DNAJB2: variants seen among roughly 807,000 people sequenced by gnomAD.
DNAJB2 encodes the protein DnaJ heat shock protein family (Hsp40) member B2, also known as dnaJ homolog subfamily B member 2.
DNAJB2 carries 19 observed loss-of-function variants against 33.3 expected under a neutral mutation model. That is an observed-to-expected ratio of 0.57 (90% CI 0.40 to 0.84). DNAJB2 has a LOEUF of 0.84. Ranked by LOEUF, DNAJB2 falls within the 40% of genes least tolerant of loss-of-function variation. The pLI is 0.00. For synonymous variants in DNAJB2, 172 were observed against 164.6 expected, an observed-to-expected ratio of 1.04 and a Z score of -0.34; for missense variants, 368 against 430.9, an observed-to-expected ratio of 0.85 and a Z score of 1.29.
In DNAJB2 at chr2:219,279,687, G is replaced by A. The variant is rs1951886609; in HGVS notation, c.-36-111G>A. ...TAGTCACCGGCCGCAAGCAGAGCCC[G>A]GTGTGCTCCGCTTCCAACTGGGAGC... On this transcript the variant is annotated intron_variant, in intron 1 of 8. Transcript: ENST00000336576. This position sits in a 1 kb window ranked among gnomAD's most constrained non-coding sequence, Gnocchi z 4.9. The A allele has an allele frequency of 5.1e-6, 4 of 786,552 alleles. No individual in the cohort carries two copies. The highest frequency in any genetic ancestry group is 3.4e-5 in the South Asian group (2 of 59,500). The allele number at this position is 786,552 out of a possible 1,614,324, so 48.7% of individuals were successfully genotyped here.
At chr2:219,283,296 T>G in intron 7 of DNAJB2, 61 bp downstream of exon 7, 1 of 1,611,020 alleles carries the variant, frequency 6.2e-7, no homozygotes, top group African/African-American at 1.3e-5. Context: ...TGTGTTCAAA[T>G]AGAAAGTTGG....
chr2:219,282,787 G>A, intron 5 of DNAJB2, 50 bp from the exon 6 acceptor site: 1 of 1,498,404 alleles, frequency 6.7e-7, no homozygotes, highest in Non-Finnish European at 8.9e-7. Flanking sequence ...ACACACTTTT[G>A]AGGGGAAATG....
At position 219,283,146 on chromosome 2, in the gene DNAJB2, A is replaced by C. The variant is rs745422775; in HGVS notation, c.459A>C (p.Ser153=). ...TCCCGATGCCAGATTTCTCCTCCTC[A>C]TCTTTCTCCTTCAGTCCTGGGGCTG... ...SFPGHSDFSS[S]SFSFSPGAGA... The change falls in exon 7 of 9, where the codon TCA becomes TCC. Residue 153 remains serine (S), a synonymous_variant. Coordinates refer to ENST00000336576, the MANE Select transcript of DNAJB2 (RefSeq NM_006736.6). 3 of 1,613,842 alleles carry C rather than the reference A, an allele frequency of 1.9e-6. No homozygotes were observed. The highest frequency in any genetic ancestry group is 2.2e-5 in the East Asian group (1 of 44,894).
Position 219,283,219 on chromosome 2 carries a change from C to T in DNAJB2, c.532C>T (p.Arg178Cys), listed in dbSNP as rs764080481. 7 of 1,614,208 alleles carry T rather than the reference C, an allele frequency of 4.3e-6. No individual in the cohort carries two copies. The highest frequency in any genetic ancestry group is 2.2e-5 in the East Asian group (1 of 44,884). ...STSTTFVQGR[R>C]ITTRRIMENG... ...ATCTACCACCTTTGTCCAAGGACGC[C>T]GCATCACCACACGCAGGTGAGAGCT... Residue 178 changes from arginine to cysteine, a missense_variant, in exon 7 of 9, where the codon CGC becomes TGC. Coordinates refer to ENST00000336576, the MANE Select transcript of DNAJB2 (RefSeq NM_006736.6).
At chr2:219,284,549 T>G in intron 8 of DNAJB2, 83 bp from the exon 9 acceptor site, 1 of 1,484,308 alleles carries the variant, frequency 6.7e-7, no homozygotes, top group Non-Finnish European at 9.0e-7. Flanking sequence ...CTCTAAGTGG[T>G]CAGGGTTGTT....
Position 219,285,640 on chromosome 2 carries a change from C to T in DNAJB2, c.*653C>T, listed in dbSNP as rs1012870424. On this transcript the variant is annotated 3_prime_UTR_variant, in exon 9 of 9. Coordinates refer to ENST00000336576, the MANE Select transcript of DNAJB2 (RefSeq NM_006736.6). ...AATGTGGCGAGGAAGATGCTGGGGC[C>T]GGTAGGGCTGTGAGATCTTCTGGGG... The T allele has an allele frequency of 4.4e-5, 50 of 1,124,894 alleles. 1 individual carries two copies. Among genetic ancestry groups the T allele is most frequent in the South Asian group, 8.0e-5 (2 of 24,960 alleles). 69.7% of individuals were successfully genotyped at this position (1,124,894 alleles called of 1,614,324 possible).
Position 219,283,146 on chromosome 2 carries a change from ATC to A in DNAJB2, c.461_462del (p.Ser154PhefsTer57). 6.2e-7 allele frequency: 1 copy of A among 1,613,960 alleles called. No homozygotes were observed. Among genetic ancestry groups the A allele is most frequent in the South Asian group, 1.1e-5 (1 of 91,068 alleles). ...FPGHSDFSSS[S>X]FSFSPGAGAF... ...TCCCGATGCCAGATTTCTCCTCCTC[ATC>A]TTTCTCCTTCAGTCCTGGGGCTGGT... is the stretch of plus-strand genomic sequence containing the variant. On this transcript the variant is annotated frameshift_variant, in exon 7 of 9. Coordinates refer to ENST00000336576, the MANE Select transcript of DNAJB2 (RefSeq NM_006736.6). LOFTEE classifies it high-confidence loss of function.
rs542308257 is a variant in DNAJB2, at chr2:219,283,410, C to T, written c.549-9C>T. ...CTGCTCGTTGCCTGAACTGTGCTGT[C>T]TCCCACAGAATCATGGAGAACGGGC... On this transcript the variant is annotated splice_polypyrimidine_tract_variant and intron_variant, in intron 7 of 8. Coordinates refer to ENST00000336576, the MANE Select transcript of DNAJB2 (RefSeq NM_006736.6). 1.1e-5 allele frequency: 17 copies of T among 1,613,612 alleles called. No individual in the cohort carries two copies. Among genetic ancestry groups the T allele is most frequent in the Middle Eastern group, 3.3e-4 (2 of 6,062 alleles).
At position 219,279,664 on chromosome 2, in the gene DNAJB2, G is replaced by C; in HGVS notation, c.-36-134G>C. 1 of 664,324 alleles carries C rather than the reference G, an allele frequency of 1.5e-6. No homozygotes were observed. The highest frequency in any genetic ancestry group is 2.5e-6 in the Non-Finnish European group (1 of 394,584). 41.2% of individuals were successfully genotyped at this position (664,324 alleles called of 1,614,324 possible). On this transcript the variant is annotated intron_variant, in intron 1 of 8. Coordinates refer to ENST00000336576, the MANE Select transcript of DNAJB2 (RefSeq NM_006736.6). This position sits in a 1 kb window ranked among gnomAD's most constrained non-coding sequence, Gnocchi z 4.9. ...AGATAAGGCTGCCGGAGGGAGCCTA[G>C]TCACCGGCCGCAAGCAGAGCCCGGT... is the stretch of plus-strand genomic sequence containing the variant.
At position 219,281,781 on chromosome 2, in the gene DNAJB2, G is replaced by A; in HGVS notation, c.229+10G>A. ...GGGCTGACAGGGACAGGTAGGTGGA[G>A]TGGTGAGGCCCAGGAATGGAGGTGG... On this transcript the variant is annotated intron_variant, in intron 4 of 8. Transcript: ENST00000336576. The A allele has an allele frequency of 6.2e-7, 1 of 1,614,070 alleles. No individual in the cohort carries two copies.
chr2:219,282,242 T>A, intron 5 of DNAJB2, 181 bp downstream of exon 5: 1 of 819,432 alleles, frequency 1.2e-6, no homozygotes, highest in Non-Finnish European at 1.9e-6. Context: ...AGAACCCCCG[T>A]AATCCAACAG....
chr2:219,282,598 C>G (rs903592877), intron 5 of DNAJB2: 7 of 446,734 alleles, frequency 1.6e-5, no homozygotes, highest in African/African-American at 1.4e-4. Flanking sequence ...AAAGAGCCAT[C>G]TGTCCTCCAT....
At chr2:219,283,294 A>G in intron 7 of DNAJB2, 59 bp downstream of exon 7, 1 of 1,611,254 alleles carries the variant, frequency 6.2e-7, no homozygotes, top group Non-Finnish European at 8.5e-7. Context: ...GCTGTGTTCA[A>G]ATAGAAAGTT....
rs1951895115 is a variant in DNAJB2, at chr2:219,280,579, T to C, written c.67T>C (p.Tyr23His). ...SASADDIKKAYRRKALQWHPD... is the reference protein window; with the variant it reads ...SASADDIKKAHRRKALQWHPD... ...CTCCTCTGCACCCACTTTCTGCAGG[T>C]ATCGGCGCAAGGCTCTCCAGTGGCA... is the stretch of plus-strand genomic sequence containing the variant. The change falls in exon 3 of 9, where the codon TAT becomes CAT. Residue 23 changes from tyrosine (Y) to histidine (H), a missense_variant and splice_region_variant. Transcript: ENST00000336576. 1 of 1,613,538 alleles carries C rather than the reference T, an allele frequency of 6.2e-7. No individual in the cohort carries two copies.
intron 5 of DNAJB2, chr2:219,282,382 A>G (rs1475182619): frequency 1.9e-5 from 8 of 410,732 alleles, no homozygotes; most frequent in Non-Finnish European, 3.5e-5. Context: ...TAAAACAGAT[A>G]GTGGTATTTT....
At chr2:219,283,283 A>G (rs1374333419) in intron 7 of DNAJB2, 48 bp downstream of exon 7, 1 of 1,611,998 alleles carries the variant, frequency 6.2e-7, no homozygotes, top group South Asian at 1.1e-5. Context: ...TCTGCTGGGG[A>G]GCTGTGTTCA....
At position 219,281,608 on chromosome 2, in the gene DNAJB2, C is replaced by A. The variant is rs538787299; in HGVS notation, c.176-110C>A. The A allele has an allele frequency of 6.8e-6, 10 of 1,472,232 alleles. No individual in the cohort carries two copies. In the East Asian group the frequency reaches 2.3e-4, roughly 34 times the overall value. 91.2% of individuals were successfully genotyped at this position (1,472,232 alleles called of 1,614,324 possible). On this transcript the variant is annotated intron_variant, in intron 3 of 8. Transcript: ENST00000336576. ...CTGGGTCCCCTGCTGTGCCTGCTTT[C>A]CCCCGCCAAGTGTCAGAGTGTCAGT... is the stretch of plus-strand genomic sequence containing the variant.
intron 5 of DNAJB2, chr2:219,282,323 T>C (rs1951912752): frequency 3.8e-6 from 2 of 529,588 alleles, no homozygotes; most frequent in Non-Finnish European, 6.7e-6. Flanking sequence ...GTAACAGCCA[T>C]GAAAGCAAGA....
Position 219,285,704 on chromosome 2 carries a change from G to T in DNAJB2, c.*717G>T. On this transcript the variant is annotated 3_prime_UTR_variant, in exon 9 of 9. Transcript: ENST00000336576. ...GGGGCGGGAGCCTCTCAGCTGTCCA[G>T]ATTCAGAACTGGAGCCCACTCCTCC... The T allele has an allele frequency of 8.2e-7, 1 of 1,223,372 alleles. No homozygotes were observed. The highest frequency in any genetic ancestry group is 1.0e-6 in the Non-Finnish European group (1 of 976,542). 75.8% of individuals were successfully genotyped at this position (1,223,372 alleles called of 1,614,324 possible).
Sources: allele counts gnomAD v4.1 joint callset, GRCh38; gene constraint gnomAD v4.1.1; non-coding constraint Gnocchi (gnomAD v3.1); transcripts MANE v1.5; gene names NCBI Gene and HGNC (gene_info 2026-07-23, HGNC 2026-07-21).